Variants in ATF7IP observed in about 807,000 individuals in gnomAD.
ATF7IP encodes the protein activating transcription factor 7-interacting protein 1.
Under a neutral mutation model 106.4 loss-of-function variants are expected in ATF7IP, and 23 were observed. The ratio of observed to expected loss-of-function variants is 0.22; its 90% CI spans 0.16 to 0.31. ATF7IP has a LOEUF of 0.31. Among genes scored for constraint, ATF7IP ranks in the 10% least tolerant of loss-of-function variants. The pLI is 1.00. For missense variants in ATF7IP, 1,334 were observed against 1,524.3 expected, an observed-to-expected ratio of 0.88 and a Z score of 2.08; for synonymous variants, 542 against 539.0, an observed-to-expected ratio of 1.01 and a Z score of -0.08.
At chr12:14,470,409 A>C (rs2136766050) in intron 10 of ATF7IP, among the ~76,000 whole-genome samples, 1 of 152,308 alleles carries the variant, frequency 6.6e-6, no homozygotes, top group East Asian at 1.9e-4. Context: ...TTCAAACTGA[A>C]GGTTTCAGTT....
intron 1 of ATF7IP, among the ~76,000 whole-genome samples, chr12:14,378,347 C>G (rs1428119308): frequency 6.6e-6 from 1 of 152,160 alleles, no homozygotes; most frequent in Non-Finnish European, 1.5e-5. Flanking sequence ...ATCTGCCTGC[C>G]TCGGCCTCCC....
At chr12:14,390,946 G>T (rs1939514013) in intron 1 of ATF7IP, among the ~76,000 whole-genome samples, 1 of 152,204 alleles carries the variant, frequency 6.6e-6, no homozygotes, top group South Asian at 2.1e-4. Flanking sequence ...AGTGCTAAAA[G>T]AATGTTATGC....
At chr12:14,374,235 C>G (rs1938642238) in intron 1 of ATF7IP, among the ~76,000 whole-genome samples, 1 of 149,482 alleles carries the variant, frequency 6.7e-6, no homozygotes, top group African/African-American at 2.5e-5. Flanking sequence ...GTAGCTTGGA[C>G]TACAGGCACA....
chr12:14,435,204 A>G (rs1942348766), intron 3 of ATF7IP, among the ~76,000 whole-genome samples: 1 of 152,104 alleles, frequency 6.6e-6, no homozygotes. Context: ...GAAGGAAATG[A>G]TGGACTGAGT....
In ATF7IP at chr12:14,466,569, A is replaced by G. The variant is rs1943841156; in HGVS notation, c.2841A>G (p.Lys947=). The G allele has an allele frequency of 6.2e-7, 1 of 1,605,444 alleles. No homozygotes were observed. Among genetic ancestry groups the G allele is most frequent in the Non-Finnish European group, 8.5e-7 (1 of 1,177,236 alleles). ...NKTIDASVSK[K]AADSTSQCGK... ...CAATAGATGCTTCTGTCAGTAAGAA[A>G]GCAGCTGATAGCACATCACAGGTAA... The change falls in exon 10 of 15, where the codon AAA becomes AAG. Residue 947 remains lysine (K), a synonymous_variant. Transcript: ENST00000261168.
At chr12:14,391,691 ATGTGTTCAGTAAGTCT>A (rs1218335551) in intron 1 of ATF7IP, among the ~76,000 whole-genome samples, 2 of 152,078 alleles carry the variant, frequency 1.3e-5, no homozygotes, top group East Asian at 3.9e-4. Context: ...ATTTATGATT[ATGTGTTCAGTAAGTCT>A]TAGGTATTTT....
intron 1 of ATF7IP, among the ~76,000 whole-genome samples, chr12:14,393,910 C>G (rs1939705986): frequency 6.6e-6 from 1 of 152,092 alleles, no homozygotes; most frequent in Non-Finnish European, 1.5e-5. Context: ...CTTGCCTTGT[C>G]AGATCTGGCC....
chr12:14,459,414 C>A (rs186843745), intron 8 of ATF7IP, among the ~76,000 whole-genome samples: 4 of 152,100 alleles, frequency 2.6e-5, no homozygotes, highest in Non-Finnish European at 5.9e-5. Flanking sequence ...TAGTTTTTAC[C>A]GCTGTATCAT....
At chr12:14,456,897 A>G (rs1186917398) in intron 7 of ATF7IP, among the ~76,000 whole-genome samples, 1 of 152,198 alleles carries the variant, frequency 6.6e-6, no homozygotes, top group Non-Finnish European at 1.5e-5. Flanking sequence ...AGTAATTGAG[A>G]AATGCTTCTG....
chr12:14,381,069 G>C (rs187908374), intron 1 of ATF7IP, among the ~76,000 whole-genome samples: 1 of 152,220 alleles, frequency 6.6e-6, no homozygotes, highest in Non-Finnish European at 1.5e-5. Context: ...CCATTTTATC[G>C]TTCTCTCTGC....
intron 6 of ATF7IP, among the ~76,000 whole-genome samples, chr12:14,448,841 A>G (rs1178598891): frequency 6.6e-6 from 1 of 152,130 alleles, no homozygotes; most frequent in Admixed American, 6.5e-5. Flanking sequence ...GATAGTGACC[A>G]TCCTCATGGA....
At chr12:14,394,419 T>C (rs1939728561) in intron 1 of ATF7IP, among the ~76,000 whole-genome samples, 1 of 152,216 alleles carries the variant, frequency 6.6e-6, no homozygotes, top group Non-Finnish European at 1.5e-5. Flanking sequence ...TTTTATTACC[T>C]GGATTTGAAT....
chr12:14,455,015 C>T (rs1404174673), intron 6 of ATF7IP, among the ~76,000 whole-genome samples: 1 of 151,858 alleles, frequency 6.6e-6, no homozygotes, highest in Non-Finnish European at 1.5e-5. Context: ...CCCACGTCTA[C>T]TAAAAATACA....
chr12:14,432,623 A>G (rs1352085806), intron 2 of ATF7IP, among the ~76,000 whole-genome samples: 1 of 152,212 alleles, frequency 6.6e-6, no homozygotes, highest in African/African-American at 2.4e-5. Context: ...GGTATTCATC[A>G]ATGATCCTTG....
chr12:14,452,231 A>G (rs996154726), intron 6 of ATF7IP, among the ~76,000 whole-genome samples: 6 of 152,050 alleles, frequency 3.9e-5, no homozygotes, highest in African/African-American at 1.4e-4. Context: ...TCTGTGTTGT[A>G]TTTTGGATCC....
chr12:14,455,707 C>G (rs1034430174), intron 6 of ATF7IP, among the ~76,000 whole-genome samples: 4 of 152,124 alleles, frequency 2.6e-5, no homozygotes, highest in Admixed American at 6.5e-5. Flanking sequence ...ACCTCAGCCT[C>G]CCAAGAAGGT....
chr12:14,446,113 A>T (rs1942943533), intron 5 of ATF7IP, among the ~76,000 whole-genome samples: 1 of 151,884 alleles, frequency 6.6e-6, no homozygotes, highest in South Asian at 2.1e-4. Context: ...CTCACTGACC[A>T]TGTTGACACA....
At position 14,460,915 on chromosome 12, in the gene ATF7IP, C is replaced by T. The variant is rs377226980; in HGVS notation, c.2579C>T (p.Thr860Ile). 4.0e-5 allele frequency: 64 copies of T among 1,614,072 alleles called. No homozygotes were observed. Among genetic ancestry groups the T allele is most frequent in the Non-Finnish European group, 5.1e-5 (60 of 1,180,042 alleles). The change falls in exon 9 of 15, where the codon ACT becomes ATT. Residue 860 changes from threonine to isoleucine, a missense_variant. This residue lies in a region of ATF7IP where 370 missense variants were observed against 401.2 expected (regional missense o/e 0.92). Coordinates refer to ENST00000261168, the MANE Select transcript of ATF7IP (RefSeq NM_018179.5). ...VPSPSIQRNP[T>I]ASAAPLGTTL... The stretch of plus-strand genomic sequence containing the variant: ...AGTCCTAGTATTCAAAGGAACCCTA[C>T]TGCCAGTGCTGCACCATTGGGAACA...
At position 14,436,138 on chromosome 12, in the gene ATF7IP, G is replaced by A; in HGVS notation, c.1678G>A (p.Glu560Lys). The A allele has an allele frequency of 6.2e-7, 1 of 1,612,922 alleles. No individual in the cohort carries two copies. Among genetic ancestry groups the A allele is most frequent in the Non-Finnish European group, 8.5e-7 (1 of 1,179,588 alleles). The change falls in exon 4 of 15, where the codon GAA becomes AAA. Residue 560 changes from glutamate to lysine, a missense_variant. By Grantham distance (56) the Glu-to-Lys change is moderately conservative. This residue lies in a region of ATF7IP where 119 missense variants were observed against 117.8 expected (regional missense o/e 1.01). Coordinates refer to ENST00000261168, the MANE Select transcript of ATF7IP (RefSeq NM_018179.5). ...TTCTAGACGAAAACGTTCTAAATCA[G>A]AAGACATGGACAATGTACAGTCTAA... ...EFSRRKRSKSEDMDNVQSKRR... is the reference protein window; with the variant it reads ...EFSRRKRSKSKDMDNVQSKRR...
Sources: gnomAD v4.1 joint callset for allele counts (sites outside exome capture counted in the v4.1 genomes callset) on GRCh38, gnomAD v4.1.1 for gene constraint, gnomAD v4.1.1 regional missense constraint, MANE v1.5 for transcripts, NCBI Gene and HGNC (gene_info 2026-07-23, HGNC 2026-07-21) for gene names.